NDUFAF2: variants seen among roughly 807,000 people sequenced by gnomAD.
NDUFAF2 encodes NADH dehydrogenase [ubiquinone] 1 alpha subcomplex assembly factor 2.
In NDUFAF2, 13 loss-of-function variants were observed where a neutral mutation model predicts 22.8. That is an observed-to-expected ratio of 0.57 (90% CI 0.37 to 0.91). The LOEUF (loss-of-function observed/expected upper bound fraction) is 0.91. Among genes scored for constraint, NDUFAF2 ranks in the 40% least tolerant of loss-of-function variants. The probability of loss-of-function intolerance (pLI) is 0.01; values close to 1 mark genes in which losing one functional copy is unlikely to be tolerated. For synonymous variants in NDUFAF2, 53 were observed against 64.2 expected (o/e 0.83, Z 0.84); for missense variants, 162 against 195.2 (o/e 0.83, Z 1.01).
chr5:61,059,363 CT>C lies in NDUFAF2; in HGVS notation c.128-13756del, dbSNP rs199524308. Reference sequence around the variant, plus strand: ...AAACACAAATTTACAATAGGTTAATCTTTTTTCTTAAATTGTGATATTCTTA... The same window carrying C: ...AAACACAAATTTACAATAGGTTAATCTTTTTCTTAAATTGTGATATTCTTA... On this transcript the variant is annotated intron_variant, in intron 1 of 3. Coordinates refer to ENST00000296597, the MANE Select transcript of NDUFAF2 (RefSeq NM_174889.5). 9.4e-3 allele frequency among the ~76,000 whole-genome samples: 1,432 copies of C among 152,108 alleles called. 22 individuals are homozygous for C. Among genetic ancestry groups the C allele is most frequent in the African/African-American group, 0.031 (1,296 of 41,558 alleles).
intron 1 of NDUFAF2, among the ~76,000 whole-genome samples, chr5:60,960,044 A>T (rs992864302): frequency 6.6e-6 from 1 of 152,146 alleles, no homozygotes; most frequent in Non-Finnish European, 1.5e-5. Context: ...ATGCTTATGA[A>T]GTTAAGGAAC....
At chr5:60,991,777 G>C (rs1480117188) in intron 1 of NDUFAF2, among the ~76,000 whole-genome samples, 1 of 151,990 alleles carries the variant, frequency 6.6e-6, no homozygotes, top group Non-Finnish European at 1.5e-5. Context: ...ATATCTGTTC[G>C]ATACACTGGT....
chr5:60,990,839 G>A (rs1337497551), intron 1 of NDUFAF2, among the ~76,000 whole-genome samples: 1 of 151,860 alleles, frequency 6.6e-6, no homozygotes, highest in African/African-American at 2.4e-5. Context: ...ACTTTAAGAC[G>A]CTATTATTTC....
At chr5:61,071,839 G>C (rs6894209) in intron 1 of NDUFAF2, among the ~76,000 whole-genome samples, 142 of 152,254 alleles carry the variant, frequency 9.3e-4, no homozygotes, top group African/African-American at 3.3e-3. Flanking sequence ...AGGCTCAAAG[G>C]TTCAGTGAGA....
intron 3 of NDUFAF2, among the ~76,000 whole-genome samples, chr5:61,118,367 C>T (rs1196696220): frequency 3.3e-5 from 5 of 152,136 alleles, no homozygotes; most frequent in African/African-American, 9.7e-5. Context: ...GGCTCCGTGC[C>T]TTATATTATA....
At chr5:61,121,841 C>CT (rs372908819) in intron 3 of NDUFAF2, among the ~76,000 whole-genome samples, 32,369 of 138,364 alleles carry the variant, frequency 0.23, 4,452 homozygotes, top group Non-Finnish European at 0.32. Flanking sequence ...TTTTTTTTTT[C>CT]TTTTTTTTTT....
At chr5:61,103,925 A>G (rs1411516712) in intron 3 of NDUFAF2, among the ~76,000 whole-genome samples, 1 of 152,102 alleles carries the variant, frequency 6.6e-6, no homozygotes, top group Non-Finnish European at 1.5e-5. Context: ...TCAATACAGT[A>G]TTCAATAAAT....
intron 3 of NDUFAF2, among the ~76,000 whole-genome samples, chr5:61,113,861 C>T (rs889734597): frequency 1.3e-5 from 2 of 151,860 alleles, no homozygotes; most frequent in Non-Finnish European, 2.9e-5. Flanking sequence ...ATGCCACTCT[C>T]TCCTGGCACA....
At chr5:61,033,448 A>C (rs1380150909) in intron 1 of NDUFAF2, among the ~76,000 whole-genome samples, 1 of 152,124 alleles carries the variant, frequency 6.6e-6, no homozygotes, top group African/African-American at 2.4e-5. Context: ...ATCATCCCTC[A>C]TGGTATAAAT....
At chr5:60,997,386 T>C (rs1403124305) in intron 1 of NDUFAF2, among the ~76,000 whole-genome samples, 1 of 152,184 alleles carries the variant, frequency 6.6e-6, no homozygotes. Context: ...TTGGAAATAT[T>C]GTAAAAATAA....
intron 1 of NDUFAF2, among the ~76,000 whole-genome samples, chr5:61,028,852 G>A (rs1179956156): frequency 2.0e-5 from 3 of 151,984 alleles, no homozygotes; most frequent in Non-Finnish European, 4.4e-5. Flanking sequence ...AGCTTTATTA[G>A]CACTAGGTAA....
chr5:60,971,508 C>G (rs900474677), intron 1 of NDUFAF2, among the ~76,000 whole-genome samples: 16 of 151,876 alleles, frequency 1.1e-4, no homozygotes, highest in Admixed American at 2.6e-4. Context: ...AGGATGGTCT[C>G]GATCTCCTGA....
At chr5:60,993,997 G>A (rs1751194825) in intron 1 of NDUFAF2, among the ~76,000 whole-genome samples, 1 of 152,216 alleles carries the variant, frequency 6.6e-6, no homozygotes, top group African/African-American at 2.4e-5. Flanking sequence ...CTTCTGCCCA[G>A]GCTATTCATG....
chr5:61,050,153 A>G (rs1752006979), intron 1 of NDUFAF2, among the ~76,000 whole-genome samples: 1 of 152,024 alleles, frequency 6.6e-6, no homozygotes, highest in South Asian at 2.1e-4. Flanking sequence ...GAACTGCCAT[A>G]ATGTTTGCCT....
At chr5:61,092,070 T>C (rs981738172) in intron 2 of NDUFAF2, among the ~76,000 whole-genome samples, 1 of 152,232 alleles carries the variant, frequency 6.6e-6, no homozygotes, top group African/African-American at 2.4e-5. Context: ...TTTGTATCAG[T>C]ACCATGCTGT....
In NDUFAF2 at chr5:61,131,462, G is replaced by A. The variant is rs557821282; in HGVS notation, c.259-21242G>A. Among the ~76,000 whole-genome samples, 5 of 152,180 alleles carry A rather than the reference G, an allele frequency of 3.3e-5. No individual in the cohort carries two copies. The South Asian group carries it at 8.3e-4, about 25-fold the overall frequency. ...TTAGAGAGCAATTTTCCAAATATAT[G>A]AGAAACTTTTAATGCAGCAATTCCA... On this transcript the variant is annotated intron_variant, in intron 3 of 3. Transcript: ENST00000296597.
intron 1 of NDUFAF2, among the ~76,000 whole-genome samples, chr5:60,991,668 T>C (rs1157624188): frequency 6.6e-6 from 1 of 152,252 alleles, no homozygotes; most frequent in African/African-American, 2.4e-5. Flanking sequence ...ATCCATTGTG[T>C]ATATGTACCA....
intron 1 of NDUFAF2, among the ~76,000 whole-genome samples, chr5:60,991,773 G>A (rs938334883): frequency 1.3e-5 from 2 of 152,066 alleles, no homozygotes; most frequent in African/African-American, 4.8e-5. Context: ...GCAGATATCT[G>A]TTCGATACAC....
intron 1 of NDUFAF2, among the ~76,000 whole-genome samples, chr5:60,984,667 G>A (rs565713309): frequency 7.0e-4 from 106 of 152,202 alleles, no homozygotes; most frequent in South Asian, 4.6e-3. Context: ...GGTTTTTGTT[G>A]TTGGTTCTGT....
Sources: allele counts gnomAD v4.1 joint callset (sites outside exome capture counted in the v4.1 genomes callset), GRCh38; gene constraint gnomAD v4.1.1; transcripts MANE v1.5; gene names NCBI Gene and HGNC (gene_info 2026-07-23, HGNC 2026-07-21).